Variants in FRMPD4 observed in about 807,000 individuals in gnomAD.
FRMPD4 encodes the protein FERM and PDZ domain containing 4, also known as FERM and PDZ domain-containing protein 4.
Under a neutral mutation model 94.1 loss-of-function variants are expected in FRMPD4, and 22 were observed. The observed-to-expected ratio is 0.23, with a 90% CI of 0.17 to 0.33. FRMPD4 has a LOEUF of 0.33. Ranked by LOEUF, FRMPD4 falls within the 10% of genes least tolerant of loss-of-function variation. FRMPD4 has a pLI of 1.00. For synonymous variants in FRMPD4, 631 were observed against 548.6 expected, an observed-to-expected ratio of 1.15 and a Z score of -2.10; for missense variants, 1,111 against 1,339.9, an observed-to-expected ratio of 0.83 and a Z score of 2.67.
chrX:12,516,486 G>A (rs777548529), intron 2 of FRMPD4, among the ~76,000 whole-genome samples: 11 of 111,996 alleles, frequency 9.8e-5, no homozygotes, highest in Admixed American at 4.7e-4. Context: ...ATGAAATTCC[G>A]GGTTGGAAAT....
At chrX:12,156,620 G>A (rs749758925) in intron 1 of FRMPD4, among the ~76,000 whole-genome samples, 14 of 111,966 alleles carry the variant, frequency 1.3e-4, no homozygotes, top group African/African-American at 4.2e-4. Flanking sequence ...AACTGAAAAG[G>A]TCTTTTCATG....
At chrX:11,878,647 A>G (rs1341908353) in intron 3 of FRMPD4, among the ~76,000 whole-genome samples, 2 of 112,395 alleles carry the variant, frequency 1.8e-5, no homozygotes, top group Non-Finnish European at 3.8e-5. Context: ...ATGGCTTATG[A>G]TTTATATAAA....
At chrX:11,953,010 C>T (rs1328502143) in intron 3 of FRMPD4, among the ~76,000 whole-genome samples, 1 of 111,515 alleles carries the variant, frequency 9.0e-6, no homozygotes, top group East Asian at 2.8e-4. Context: ...AGGTAGGGCT[C>T]GGGGTGCTAA....
At position 12,545,900 on chromosome X, in the gene FRMPD4, A is replaced by G. The variant is rs374330447; in HGVS notation, c.158+47104A>G. On this transcript the variant is annotated intron_variant, in intron 2 of 16. Coordinates refer to ENST00000675598, the MANE Select transcript of FRMPD4 (RefSeq NM_001368397.1). ...GTCCCAACCAGCAGCTCATCTAGAA[A>G]GTAAAAATGAAAACTCTAATTATCA... 4.0e-4 allele frequency among the ~76,000 whole-genome samples: 45 copies of G among 112,964 alleles called. 1 individual carries two copies. In the South Asian group the frequency reaches 0.016, roughly 40 times the overall value.
chrX:12,506,727 A>G (rs749889668), intron 2 of FRMPD4, among the ~76,000 whole-genome samples: 4 of 112,905 alleles, frequency 3.5e-5, no homozygotes, highest in Admixed American at 9.3e-5. Flanking sequence ...AAATGATACA[A>G]TTTGTATTTC....
chrX:12,126,733 C>T (rs857361), intron 3 of FRMPD4, among the ~76,000 whole-genome samples: 12,082 of 111,514 alleles, frequency 0.11, 590 homozygotes, highest in African/African-American at 0.18. Context: ...CCTTCCATTA[C>T]TATCTCTCAT....
At chrX:12,665,999 G>C (rs2059772323) in intron 4 of FRMPD4, among the ~76,000 whole-genome samples, 1 of 110,227 alleles carries the variant, frequency 9.1e-6, no homozygotes, top group African/African-American at 3.3e-5. Flanking sequence ...AAAGAGTCAA[G>C]ACCCATCGGT....
intron 3 of FRMPD4, among the ~76,000 whole-genome samples, chrX:12,094,636 G>T (rs1000670733): frequency 8.9e-6 from 1 of 112,087 alleles, no homozygotes; most frequent in Non-Finnish European, 1.9e-5. Flanking sequence ...GACTGCCTGC[G>T]TTTGAACTTT....
chrX:11,875,166 A>G (rs753650030), intron 2 of FRMPD4, among the ~76,000 whole-genome samples: 2 of 112,990 alleles, frequency 1.8e-5, no homozygotes, highest in South Asian at 7.2e-4. Context: ...GTACATTTAG[A>G]TTTTAAAACT....
chrX:12,297,798 A>C (rs1343061928), intron 1 of FRMPD4, among the ~76,000 whole-genome samples: 1 of 111,486 alleles, frequency 9.0e-6, no homozygotes, highest in African/African-American at 3.3e-5. Flanking sequence ...GGGAAGAAAA[A>C]GAATTAGCCC....
Position 12,342,044 on chromosome X carries a change from G to A in FRMPD4, c.42-156636G>A, listed in dbSNP as rs150088603. Among the ~76,000 whole-genome samples the A allele has an allele frequency of 6.2e-3, 695 of 111,856 alleles. 5 individuals are homozygous for A. Among genetic ancestry groups the A allele is most frequent in the African/African-American group, 0.022 (667 of 30,834 alleles). ...GAATTGATATTCAGTAGAAGAGATC[G>A]GATTTGTGAACCTGAGCCATATATT... On this transcript the variant is annotated intron_variant, in intron 1 of 16. Coordinates refer to ENST00000675598, the MANE Select transcript of FRMPD4 (RefSeq NM_001368397.1).
intron 11 of FRMPD4, 120 bp downstream of exon 11, chrX:12,704,605 CTG>C (rs2041843570): frequency 2.2e-6 from 1 of 458,062 alleles, no homozygotes; most frequent in Non-Finnish European, 3.6e-6. Context: ...AGCAGTAACA[CTG>C]TGTAACTTTT....
At chrX:12,026,482 T>C (rs2054662041) in intron 3 of FRMPD4, among the ~76,000 whole-genome samples, 1 of 111,944 alleles carries the variant, frequency 8.9e-6, no homozygotes, top group African/African-American at 3.2e-5. Flanking sequence ...GATCATATTA[T>C]TTCATATTGC....
At chrX:12,568,064 T>C (rs899385821) in intron 2 of FRMPD4, among the ~76,000 whole-genome samples, 14 of 111,498 alleles carry the variant, frequency 1.3e-4, no homozygotes, top group African/African-American at 3.9e-4. Context: ...CTTCCAGGGC[T>C]CAGTGCTTTG....
chrX:12,072,514 G>A (rs1185255692), intron 3 of FRMPD4, among the ~76,000 whole-genome samples: 1 of 111,688 alleles, frequency 9.0e-6, no homozygotes. Flanking sequence ...ATGCCCGGTT[G>A]TGTGCATTTC....
intron 3 of FRMPD4, among the ~76,000 whole-genome samples, chrX:11,934,999 CT>C (rs768092510): frequency 1.1e-4 from 12 of 106,374 alleles, no homozygotes; most frequent in African/African-American, 4.2e-4. Flanking sequence ...AGGTCGAGGT[CT>C]TTCATATACA....
chrX:12,043,227 C>T (rs772481395), intron 3 of FRMPD4, among the ~76,000 whole-genome samples: 1 of 111,354 alleles, frequency 9.0e-6, no homozygotes, highest in East Asian at 2.8e-4. Flanking sequence ...CCCTATGAAC[C>T]GTAAGGATTT....
chrX:12,044,909 A>C (rs754446353), intron 3 of FRMPD4, among the ~76,000 whole-genome samples: 1 of 112,134 alleles, frequency 8.9e-6, no homozygotes, highest in African/African-American at 3.2e-5. Context: ...TTATAATAAT[A>C]ATAGCAAATA....
intron 1 of FRMPD4, among the ~76,000 whole-genome samples, chrX:12,268,773 A>C (rs1321132405): frequency 4.5e-5 from 5 of 112,116 alleles, no homozygotes; most frequent in Non-Finnish European, 3.8e-5. Flanking sequence ...GTTTTGATAT[A>C]AATGTCACTT....
Sources: gnomAD v4.1 joint callset for allele counts (sites outside exome capture counted in the v4.1 genomes callset) on GRCh38, gnomAD v4.1.1 for gene constraint, MANE v1.5 for transcripts, NCBI Gene and HGNC (gene_info 2026-07-23, HGNC 2026-07-21) for gene names.